Variants in DHRS7 observed in about 807,000 individuals in gnomAD.
The protein encoded by DHRS7 is dehydrogenase/reductase 7, also known as dehydrogenase/reductase SDR family member 7.
A neutral mutation model predicts 38.9 loss-of-function variants in DHRS7; 34 were observed. The ratio of observed to expected loss-of-function variants is 0.87; its 90% confidence interval spans 0.66 to 1.16. DHRS7 has a LOEUF of 1.16. DHRS7 is among the 50% of genes most tolerant of loss of function. DHRS7 has a pLI of 0.00. For synonymous variants in DHRS7, 158 were observed against 153.1 expected (o/e 1.03, Z -0.24); for missense variants, 421 against 407.0 (o/e 1.03, Z -0.30).
intron 1 of DHRS7, among the ~76,000 whole-genome samples, chr14:60,157,709 G>GT (rs1896685797): frequency 6.6e-6 from 1 of 152,026 alleles, no homozygotes; most frequent in Admixed American, 6.6e-5. Flanking sequence ...TGGCCTCAGT[G>GT]CTTAGCAAAG....
At chr14:60,150,516 T>C (rs1896521809) in intron 4 of DHRS7, among the ~76,000 whole-genome samples, 1 of 152,074 alleles carries the variant, frequency 6.6e-6, no homozygotes, top group South Asian at 2.1e-4. Flanking sequence ...CCTTCCTGTG[T>C]CCAAGTGTTC....
chr14:60,150,565 T>C (rs1246086793), intron 4 of DHRS7, among the ~76,000 whole-genome samples: 1 of 151,358 alleles, frequency 6.6e-6, no homozygotes. Flanking sequence ...GAACATGCAG[T>C]GTTTGGTTTT....
upstream of DHRS7, chr14:60,165,414 G>T (rs1051854158): frequency 6.9e-6 from 10 of 1,450,510 alleles, no homozygotes; most frequent in East Asian, 2.6e-5. This position sits in a 1 kb window ranked among gnomAD's most constrained non-coding sequence, Gnocchi z 4.6. Context: ...GCCCAGAGCC[G>T]CACTGCCCCG....
chr14:60,147,907 G>T (rs1026759413), intron 6 of DHRS7: 3 of 152,274 alleles, frequency 2.0e-5, no homozygotes, highest in African/African-American at 7.2e-5. Flanking sequence ...TGCATCAGCT[G>T]TCCTCCATAT....
upstream of DHRS7, chr14:60,168,905 TC>T: frequency 2.3e-5 from 21 of 911,054 alleles, no homozygotes; most frequent in East Asian, 3.0e-5. Context: ...AAGTGGTTAG[TC>T]TAACTAACCC....
chr14:60,158,958 A>ACTT lies in DHRS7; in HGVS notation c.134-2809_134-2807dup, dbSNP rs546187251. The stretch of plus-strand genomic sequence containing the variant: ...TGTGGTTTGACAAAGAAGAAATCAA[A>ACTT]CTTCTGGTGTCGGTGGGTCCAAGTG... On this transcript the variant is annotated intron_variant, in intron 1 of 6. Transcript: ENST00000557185. 1.1e-5 allele frequency: 3 copies of ACTT among 283,336 alleles called. No individual in the cohort carries two copies. The South Asian group carries it at 1.2e-4, about 11-fold the overall frequency. The allele number at this position is 283,336 out of a possible 1,614,324, so 17.6% of individuals were successfully genotyped here.
rs773819616 is a variant in DHRS7 at position 60,152,907 on chromosome 14, G to T, written c.633+32C>A. 6.2e-6 allele frequency: 10 copies of T among 1,612,730 alleles called. No individual in the cohort carries two copies. The East Asian group carries it at 2.2e-4, about 36-fold the overall frequency. On this transcript the variant is annotated intron_variant, in intron 4 of 6. Transcript: ENST00000557185. ...ATCCCCCATATACACATTTAAGTCA[G>T]TTCTATCAGAGTTGAGTTTGAGCAG...
At position 60,146,176 on chromosome 14, in the gene DHRS7, A is replaced by G. The variant is rs1324502673; in HGVS notation, c.973-1163T>C. The stretch of plus-strand genomic sequence containing the variant: ...GTAGTAAGACTATATAATAAGCAAT[A>G]TTTCAAAGATGGTGGTAGGAAGAAA... On this transcript the variant is annotated intron_variant, in intron 6 of 6. Coordinates refer to ENST00000557185, the MANE Select transcript of DHRS7 (RefSeq NM_016029.4). The surrounding 1 kb of genome is among the most constrained non-coding windows in gnomAD (Gnocchi z 4.9). 2 of 152,032 alleles carry G rather than the reference A, an allele frequency of 1.3e-5. No individual in the cohort carries two copies. The highest frequency in any genetic ancestry group is 2.4e-5 in the African/African-American group (1 of 41,442). The allele number at this position is 152,032 out of a possible 1,614,324, so 9.4% of individuals were successfully genotyped here.
intron 1 of DHRS7, among the ~76,000 whole-genome samples, chr14:60,157,127 T>C (rs2140605054): frequency 6.6e-6 from 1 of 152,368 alleles, no homozygotes. Context: ...CAGGAAATGA[T>C]TGTACTGTTT....
At chr14:60,150,727 T>C (rs1301746241) in intron 4 of DHRS7, among the ~76,000 whole-genome samples, 1 of 152,196 alleles carries the variant, frequency 6.6e-6, no homozygotes, top group Non-Finnish European at 1.5e-5. Context: ...TGATGGACAT[T>C]TGAGTTGGTT....
At chr14:60,164,750 A>G (rs1896831987) in intron 1 of DHRS7, among the ~76,000 whole-genome samples, 1 of 152,212 alleles carries the variant, frequency 6.6e-6, no homozygotes, top group Admixed American at 6.5e-5. Flanking sequence ...TAGTAGAACG[A>G]CCGGGCTTCC....
chr14:60,147,278 CTTATG>C (rs1361232501), intron 6 of DHRS7: 4 of 151,804 alleles, frequency 2.6e-5, no homozygotes, highest in African/African-American at 4.8e-5. Context: ...AGATAAATAA[CTTATG>C]TTATTATAAT....
intron 6 of DHRS7, chr14:60,147,392 CCA>C (rs1896434264): frequency 6.6e-6 from 1 of 152,054 alleles, no homozygotes; most frequent in Non-Finnish European, 1.5e-5. Context: ...AGTGTTCTCA[CCA>C]CACACAAAAA....
chr14:60,156,292 T>C, intron 1 of DHRS7, 140 bp from the exon 2 acceptor site: 1 of 688,414 alleles, frequency 1.5e-6, no homozygotes, highest in Admixed American at 4.2e-5. Flanking sequence ...ATTTGAAATA[T>C]TCTAAGAAAG....
chr14:60,149,854 T>C (rs902942836), intron 5 of DHRS7, among the ~76,000 whole-genome samples: 2 of 152,144 alleles, frequency 1.3e-5, no homozygotes, highest in Non-Finnish European at 2.9e-5. Flanking sequence ...ATGACAATTA[T>C]CACTTTTGTA....
In DHRS7 at chr14:60,153,912, T is replaced by C. The variant is rs370449743; in HGVS notation, c.393+47A>G. 4 of 1,535,494 alleles carry C rather than the reference T, an allele frequency of 2.6e-6. No individual in the cohort carries two copies. Among genetic ancestry groups the C allele is most frequent in the Non-Finnish European group, 3.6e-6 (4 of 1,109,148 alleles). ...CAGCACCACGGATGGGAATCTCTTC[T>C]GCAGTTACTTCAAAGCAAGACTATA... On this transcript the variant is annotated intron_variant, in intron 3 of 6. Coordinates refer to ENST00000557185, the MANE Select transcript of DHRS7 (RefSeq NM_016029.4). This position sits in a 1 kb window ranked among gnomAD's most constrained non-coding sequence, Gnocchi z 4.4.
intron 2 of DHRS7, among the ~76,000 whole-genome samples, chr14:60,154,806 G>T (rs1896623845): frequency 6.6e-6 from 1 of 152,192 alleles, no homozygotes; most frequent in Non-Finnish European, 1.5e-5. Context: ...ACAGCCTTGT[G>T]CCAGGTAAGA....
intron 1 of DHRS7, among the ~76,000 whole-genome samples, chr14:60,163,176 A>G (rs1896797606): frequency 6.6e-6 from 1 of 152,044 alleles, no homozygotes; most frequent in Non-Finnish European, 1.5e-5. Flanking sequence ...TCTCAAAAAA[A>G]AAAAGAAAAA....
At chr14:60,167,573 T>C (rs765119633), upstream of DHRS7, among the ~76,000 whole-genome samples, 3 of 150,192 alleles carry the variant, frequency 2.0e-5, no homozygotes, top group Non-Finnish European at 4.5e-5. Context: ...ATGAAGGCAG[T>C]TGTGCGTAAG....
Sources: allele counts gnomAD v4.1 joint callset (sites outside exome capture counted in the v4.1 genomes callset), GRCh38; gene constraint gnomAD v4.1.1; non-coding constraint Gnocchi (gnomAD v3.1); transcripts MANE v1.5; gene names NCBI Gene and HGNC (gene_info 2026-07-23, HGNC 2026-07-21).